Variants in GAREM1 observed in about 807,000 individuals in gnomAD.
GAREM1 encodes GRB2 associated regulator of MAPK1 subtype 1, also known as GRB2-associated and regulator of MAPK protein 1.
A neutral mutation model predicts 71.3 loss-of-function variants in GAREM1; 26 were observed. The ratio of observed to expected loss-of-function variants is 0.36; its 90% confidence interval spans 0.27 to 0.51. GAREM1 has a LOEUF of 0.51. Among genes scored for constraint, GAREM1 ranks in the 20% least tolerant of loss-of-function variants. The pLI is 0.95. For missense variants in GAREM1, 1,026 were observed against 1,103.1 expected (o/e 0.93, Z 0.99); for synonymous variants, 440 against 433.2 (o/e 1.02, Z -0.20).
chr18:32,442,502 G>C (rs1288874429), intron 1 of GAREM1, among the ~76,000 whole-genome samples: 1 of 152,020 alleles, frequency 6.6e-6, no homozygotes, highest in Non-Finnish European at 1.5e-5. Flanking sequence ...GCTAAATTAA[G>C]CATACTAAAG....
At chr18:32,273,975 G>T (rs962305705) in intron 4 of GAREM1, among the ~76,000 whole-genome samples, 1 of 152,134 alleles carries the variant, frequency 6.6e-6, no homozygotes, top group African/African-American at 2.4e-5. Context: ...TTCATGACAA[G>T]AATTTTGAGT....
intron 2 of GAREM1, 91 bp from the exon 3 acceptor site, chr18:32,310,414 C>T (rs2047307429): frequency 2.3e-6 from 3 of 1,322,472 alleles, no homozygotes; most frequent in Non-Finnish European, 3.1e-6. Context: ...TACCCCAGCC[C>T]TTTTTTTGTC....
chr18:32,394,549 G>T (rs770466894), intron 1 of GAREM1, among the ~76,000 whole-genome samples: 2 of 152,156 alleles, frequency 1.3e-5, no homozygotes, highest in Non-Finnish European at 2.9e-5. Flanking sequence ...TTAGCAGAAG[G>T]GGGAGAATCC....
At chr18:32,439,636 C>A (rs942352070) in intron 1 of GAREM1, among the ~76,000 whole-genome samples, 1 of 146,532 alleles carries the variant, frequency 6.8e-6, no homozygotes, top group Non-Finnish European at 1.5e-5. Flanking sequence ...AACAGAGTGA[C>A]CAAATGAGCT....
intron 2 of GAREM1, among the ~76,000 whole-genome samples, chr18:32,364,039 T>G (rs979465557): frequency 5.5e-4 from 52 of 93,840 alleles, no homozygotes; most frequent in Non-Finnish European, 1.1e-3. Context: ...TTTTTTTTTT[T>G]TTTTTTTTTT....
chr18:32,449,011 G>A (rs1350551), intron 1 of GAREM1, among the ~76,000 whole-genome samples: 21,233 of 152,122 alleles, frequency 0.14, 1,836 homozygotes, highest in East Asian at 0.39. Flanking sequence ...TAAGCAATAC[G>A]AATGGGAAAA....
chr18:32,402,938 G>C (rs1487041104), intron 1 of GAREM1, among the ~76,000 whole-genome samples: 2 of 152,012 alleles, frequency 1.3e-5, no homozygotes, highest in Non-Finnish European at 2.9e-5. Context: ...CTTTTATTGA[G>C]ACAGAGTCTT....
At chr18:32,386,209 T>C (rs950729128) in intron 2 of GAREM1, among the ~76,000 whole-genome samples, 12 of 152,198 alleles carry the variant, frequency 7.9e-5, no homozygotes, top group African/African-American at 2.7e-4. Flanking sequence ...AAATGGATGA[T>C]TCATGCTAAT....
chr18:32,430,602 T>C (rs1291466496), intron 1 of GAREM1, among the ~76,000 whole-genome samples: 2 of 152,196 alleles, frequency 1.3e-5, no homozygotes, highest in Non-Finnish European at 2.9e-5. Flanking sequence ...AGAGACTGCA[T>C]GGGGCAGCAT....
At chr18:32,318,050 C>T (rs927540492) in intron 2 of GAREM1, among the ~76,000 whole-genome samples, 1 of 152,162 alleles carries the variant, frequency 6.6e-6, no homozygotes, top group Admixed American at 6.5e-5. Context: ...GAGGAAGCTG[C>T]ATTGTCTTTC....
intron 1 of GAREM1, among the ~76,000 whole-genome samples, chr18:32,469,208 G>GC (rs2049026779): frequency 1.3e-5 from 2 of 152,120 alleles, no homozygotes. Flanking sequence ...CTTTGTGTAT[G>GC]TATACATCTC....
intron 2 of GAREM1, among the ~76,000 whole-genome samples, chr18:32,344,517 C>T (rs952544283): frequency 4.6e-5 from 7 of 151,748 alleles, no homozygotes; most frequent in Non-Finnish European, 7.4e-5. Flanking sequence ...TGCCTAATCA[C>T]GCTAAATGGG....
Position 32,346,154 on chromosome 18 carries a change from A to G in GAREM1, c.263-35831T>C, listed in dbSNP as rs377548878. On this transcript the variant is annotated intron_variant, in intron 2 of 5. Transcript: ENST00000269209. ...CTGTTGCTTTATTTTTTATAAAATA[A>G]TCATTTTATCTTGTCTCTTCACATG... Among the ~76,000 whole-genome samples the G allele has an allele frequency of 3.3e-5, 5 of 152,272 alleles. No individual in the cohort carries two copies. In the East Asian group the frequency reaches 9.6e-4, roughly 29 times the overall value.
chr18:32,413,927 A>C (rs1446159099), intron 1 of GAREM1, among the ~76,000 whole-genome samples: 1 of 152,184 alleles, frequency 6.6e-6, no homozygotes, highest in Non-Finnish European at 1.5e-5. Context: ...ATGTAACAAA[A>C]GAAAATCACT....
intron 3 of GAREM1, among the ~76,000 whole-genome samples, chr18:32,303,583 T>A (rs972094018): frequency 6.6e-6 from 1 of 152,184 alleles, no homozygotes; most frequent in Admixed American, 6.5e-5. Context: ...TACTATGTAC[T>A]GAGTTCTTAA....
chr18:32,359,732 G>A (rs1486363297), intron 2 of GAREM1, among the ~76,000 whole-genome samples: 1 of 152,046 alleles, frequency 6.6e-6, no homozygotes, highest in Admixed American at 6.5e-5. Flanking sequence ...ACCAGCCTGT[G>A]CAACTTAGCA....
At chr18:32,358,147 A>G (rs1167810062) in intron 2 of GAREM1, among the ~76,000 whole-genome samples, 1 of 110,808 alleles carries the variant, frequency 9.0e-6, no homozygotes, top group Non-Finnish European at 1.7e-5. Context: ...AGTAAGCTTC[A>G]ATGACATCCC....
At chr18:32,391,663 T>A (rs1263116868) in intron 2 of GAREM1, among the ~76,000 whole-genome samples, 17 of 152,130 alleles carry the variant, frequency 1.1e-4, no homozygotes, top group Admixed American at 1.1e-3. Flanking sequence ...GGTAGGGGGT[T>A]TGTTTCATTC....
intron 1 of GAREM1, among the ~76,000 whole-genome samples, chr18:32,403,315 A>G (rs1174990061): frequency 6.6e-6 from 1 of 152,192 alleles, no homozygotes; most frequent in East Asian, 1.9e-4. Flanking sequence ...TTCATACAGA[A>G]TGGGGCCCTG....
Sources: allele counts gnomAD v4.1 joint callset (sites outside exome capture counted in the v4.1 genomes callset), GRCh38; gene constraint gnomAD v4.1.1; transcripts MANE v1.5; gene names NCBI Gene and HGNC (gene_info 2026-07-23, HGNC 2026-07-21).